Variants in SRGAP3 observed in about 807,000 individuals in gnomAD.
SRGAP3 encodes SLIT-ROBO Rho GTPase activating protein 3.
Under a neutral mutation model 121.1 loss-of-function variants are expected in SRGAP3, and 39 were observed. The observed-to-expected ratio is 0.32, with a 90% CI of 0.25 to 0.42. SRGAP3 has a LOEUF of 0.42. Ranked by LOEUF, SRGAP3 falls within the 10% of genes least tolerant of loss-of-function variation. The pLI, the probability that SRGAP3 is intolerant of heterozygous loss-of-function variation, is 1.00. For missense variants in SRGAP3, 1,213 were observed against 1,470.6 expected, an observed-to-expected ratio of 0.82 and a Z score of 2.86; for synonymous variants, 601 against 570.0, an observed-to-expected ratio of 1.05 and a Z score of -0.77.
In SRGAP3 at chr3:9,109,743, C is replaced by T. The variant is rs1948548311; in HGVS notation, c.261-4901G>A. On this transcript the variant is annotated intron_variant, in intron 2 of 21. Transcript: ENST00000383836. This position sits in a 1 kb window ranked among gnomAD's most constrained non-coding sequence, Gnocchi z 4.4. Reference sequence around the variant, plus strand: ...AGATCTGGTGGTGAGGTTGGTCATGCATGGCTTCCTGGAGGAAACGCTTTC... The same window carrying T: ...AGATCTGGTGGTGAGGTTGGTCATGTATGGCTTCCTGGAGGAAACGCTTTC... Among the ~76,000 whole-genome samples, 1 of 152,142 alleles carries T rather than the reference C, an allele frequency of 6.6e-6. No homozygotes were observed. Among genetic ancestry groups the T allele is most frequent in the Non-Finnish European group, 1.5e-5 (1 of 68,032 alleles).
chr3:9,332,037 T>C (rs3930151), intron 1 of SRGAP3, among the ~76,000 whole-genome samples: 28,110 of 152,196 alleles, frequency 0.18, 3,250 homozygotes, highest in Middle Eastern at 0.26. Flanking sequence ...AGATCTCAAG[T>C]CATTGAGGTG....
intron 4 of SRGAP3, among the ~76,000 whole-genome samples, chr3:9,074,682 C>T (rs1386073111): frequency 6.6e-6 from 1 of 152,218 alleles, no homozygotes; most frequent in African/African-American, 2.4e-5. Context: ...CTCTCTCCAC[C>T]ATCCCCATCT....
chr3:9,292,548 G>GT (rs1309198856), intron 3 of SRGAP3: 2 of 152,050 alleles, frequency 1.3e-5, no homozygotes, highest in East Asian at 1.9e-4. Flanking sequence ...GCTTTGAAAT[G>GT]TTTTTTGTCT....
intron 1 of SRGAP3, among the ~76,000 whole-genome samples, chr3:9,179,297 T>G (rs1951294457): frequency 6.6e-6 from 1 of 152,252 alleles, no homozygotes; most frequent in South Asian, 2.1e-4. Flanking sequence ...GCTACCAGTC[T>G]AGGCTCTGGA....
chr3:9,214,474 C>T (rs1952550283), intron 1 of SRGAP3, among the ~76,000 whole-genome samples: 1 of 152,212 alleles, frequency 6.6e-6, no homozygotes, highest in African/African-American at 2.4e-5. Context: ...CCTCGGTTTA[C>T]TGTTAACATC....
chr3:9,228,649 G>A (rs530885533), intron 1 of SRGAP3, among the ~76,000 whole-genome samples: 329 of 152,286 alleles, frequency 2.2e-3, no homozygotes, highest in African/African-American at 7.8e-3. Context: ...TGCAGTAGGA[G>A]ACAGCTAACA....
chr3:9,136,457 G>A (rs1482251878), intron 1 of SRGAP3, among the ~76,000 whole-genome samples: 1 of 151,598 alleles, frequency 6.6e-6, no homozygotes, highest in African/African-American at 2.4e-5. Context: ...CGGGGTGGCT[G>A]AAAGCGGGCT....
At chr3:9,231,082 A>T (rs940460452) in intron 1 of SRGAP3, among the ~76,000 whole-genome samples, 1 of 152,144 alleles carries the variant, frequency 6.6e-6, no homozygotes, top group African/African-American at 2.4e-5. Context: ...TAATCCTTCC[A>T]GCTTTGTCGA....
At chr3:9,090,460 G>A (rs941806260) in intron 3 of SRGAP3, among the ~76,000 whole-genome samples, 1 of 151,940 alleles carries the variant, frequency 6.6e-6, no homozygotes, top group African/African-American at 2.4e-5. Flanking sequence ...ATCAGCTGAT[G>A]AAGTTCTTGA....
intron 1 of SRGAP3, among the ~76,000 whole-genome samples, chr3:9,344,663 G>A (rs1360683797): frequency 1.3e-5 from 2 of 151,204 alleles, no homozygotes; most frequent in East Asian, 4.0e-4. Context: ...AAGAAAGAAA[G>A]AAAACAGGAG....
intron 1 of SRGAP3, among the ~76,000 whole-genome samples, chr3:9,204,279 C>T (rs1464179127): frequency 6.6e-6 from 1 of 152,240 alleles, no homozygotes; most frequent in Non-Finnish European, 1.5e-5. Flanking sequence ...AAGTGACAGC[C>T]TCAGGGCCTG....
intron 21 of SRGAP3, among the ~76,000 whole-genome samples, chr3:8,988,985 G>A (rs532160828): frequency 2.6e-5 from 4 of 152,308 alleles, no homozygotes; most frequent in Admixed American, 2.6e-4. Flanking sequence ...TGGCCCGGGG[G>A]CTGGGGGTGC....
intron 3 of SRGAP3, among the ~76,000 whole-genome samples, chr3:9,089,285 G>C (rs1947635680): frequency 1.1e-5 from 1 of 91,734 alleles, no homozygotes; most frequent in Admixed American, 1.0e-4. Context: ...CAGATAAGTG[G>C]GGTGGGCGGG....
At chr3:9,174,001 T>C (rs1369487952) in intron 1 of SRGAP3, among the ~76,000 whole-genome samples, 1 of 150,522 alleles carries the variant, frequency 6.6e-6, no homozygotes, top group Non-Finnish European at 1.5e-5. Flanking sequence ...GACGGATGGA[T>C]GGGTCAACCA....
At chr3:9,286,484 G>A (rs932072960) in intron 3 of SRGAP3, among the ~76,000 whole-genome samples, 1 of 152,052 alleles carries the variant, frequency 6.6e-6, no homozygotes, top group Non-Finnish European at 1.5e-5. Context: ...AACACAGCAA[G>A]ACCCCATCTC....
intron 2 of SRGAP3, among the ~76,000 whole-genome samples, chr3:9,113,517 C>T (rs1016548095): frequency 6.6e-6 from 1 of 152,128 alleles, no homozygotes; most frequent in Admixed American, 6.5e-5. Flanking sequence ...CTATAAAGAC[C>T]CTGTTTCCAA....
intron 1 of SRGAP3, among the ~76,000 whole-genome samples, chr3:9,360,315 A>C (rs575876043): frequency 1.6e-4 from 24 of 152,326 alleles, no homozygotes; most frequent in African/African-American, 5.5e-4. Flanking sequence ...CAATGGGATT[A>C]TATCCCAATA....
chr3:9,071,414 G>A (rs1325605436), intron 4 of SRGAP3, among the ~76,000 whole-genome samples: 1 of 152,136 alleles, frequency 6.6e-6, no homozygotes, highest in Non-Finnish European at 1.5e-5. Flanking sequence ...ATGTTCATCT[G>A]GCCATAGGAA....
At chr3:9,095,370 T>C (rs997924609) in intron 3 of SRGAP3, among the ~76,000 whole-genome samples, 2 of 152,192 alleles carry the variant, frequency 1.3e-5, no homozygotes, top group African/African-American at 4.8e-5. Flanking sequence ...AGGTTTTAAA[T>C]ATTAAATGTA....
Sources: allele counts gnomAD v4.1 joint callset (sites outside exome capture counted in the v4.1 genomes callset), GRCh38; gene constraint gnomAD v4.1.1; non-coding constraint Gnocchi (gnomAD v3.1); transcripts MANE v1.5; gene names NCBI Gene and HGNC (gene_info 2026-07-23, HGNC 2026-07-21).